Variants in GSDME observed in about 807,000 individuals in gnomAD.
The protein encoded by GSDME is gasdermin E, also known as gasdermin-E.
A neutral mutation model predicts 47.5 loss-of-function variants in GSDME; 44 were observed. That is an observed-to-expected ratio of 0.93 (90% CI 0.73 to 1.19). The LOEUF (loss-of-function observed/expected upper bound fraction) is 1.19. Among genes scored for constraint, GSDME ranks in the 50% most tolerant of loss-of-function variants. The pLI is 0.00. For missense variants in GSDME, 663 were observed against 604.2 expected (o/e 1.10, Z -1.02); for synonymous variants, 258 against 252.8 (o/e 1.02, Z -0.20).
At chr7:24,775,534 T>A in the GSDME span, among the ~76,000 whole-genome samples, 1 of 152,096 alleles carries the variant, frequency 6.6e-6, no homozygotes, top group East Asian at 1.9e-4. Flanking sequence ...GAGGTTGCTG[T>A]CCTCCTTCCC....
chr7:24,712,719 A>G lies in GSDME; in HGVS notation c.698-2331T>C, dbSNP rs1159234625. ...TCATGGCTGAGGCCCCTATCACAAC[A>G]GACAGATTAACAAGAGAGGCCAGGC... On this transcript the variant is annotated intron_variant, in intron 5 of 9. Coordinates refer to ENST00000645220, the MANE Select transcript of GSDME (RefSeq NM_001127453.2). The surrounding 1 kb of genome is among the most constrained non-coding windows in gnomAD (Gnocchi z 4.4). 1.3e-5 allele frequency among the ~76,000 whole-genome samples: 2 copies of G among 152,170 alleles called. No homozygotes were observed. The highest frequency in any genetic ancestry group is 2.9e-5 in the Non-Finnish European group (2 of 68,032).
the GSDME span, among the ~76,000 whole-genome samples, chr7:24,766,942 T>A: frequency 6.6e-6 from 1 of 152,228 alleles, no homozygotes; most frequent in African/African-American, 2.4e-5. The surrounding 1 kb of genome is among the most constrained non-coding windows in gnomAD (Gnocchi z 4.2). Context: ...CGTTCCTATT[T>A]CTCCACATCC....
chr7:24,787,230 G>A, the GSDME span, among the ~76,000 whole-genome samples: 6 of 152,192 alleles, frequency 3.9e-5, no homozygotes, highest in African/African-American at 9.7e-5. The surrounding 1 kb of genome is among the most constrained non-coding windows in gnomAD (Gnocchi z 5.0). Flanking sequence ...TGGCTGCCAC[G>A]TCCTCTCATG....
upstream of GSDME, chr7:24,757,559 G>C (rs1791082562): frequency 6.6e-6 from 1 of 152,074 alleles, no homozygotes; most frequent in African/African-American, 2.4e-5. This position sits in a 1 kb window ranked among gnomAD's most constrained non-coding sequence, Gnocchi z 5.9. Context: ...CGCGGGACTG[G>C]CCGCCGGAGG....
chr7:24,781,887 G>T, the GSDME span, among the ~76,000 whole-genome samples: 828 of 151,910 alleles, frequency 5.5e-3, 14 homozygotes, highest in African/African-American at 0.019. Flanking sequence ...GGAACTACAG[G>T]TGTGTGCCAC....
chr7:24,744,208 A>G lies in GSDME; in HGVS notation c.404+354T>C. The G allele has an allele frequency of 4.3e-6, 1 of 232,844 alleles. No homozygotes were observed. The highest frequency in any genetic ancestry group is 1.1e-4 in the East Asian group (1 of 9,418). 14.4% of individuals were successfully genotyped at this position (232,844 alleles called of 1,614,324 possible). A position where few individuals can be genotyped will look rare whatever the true frequency, so the allele number is the denominator to read the frequency against. On this transcript the variant is annotated intron_variant, in intron 3 of 9. Coordinates refer to ENST00000645220, the MANE Select transcript of GSDME (RefSeq NM_001127453.2). This position sits in a 1 kb window ranked among gnomAD's most constrained non-coding sequence, Gnocchi z 4.5. ...CTTCTTTTTTTCATCAGAAAATTAT[A>G]GAGCCAGAGGGGGGTCATGACTTCC...
upstream of GSDME, among the ~76,000 whole-genome samples, chr7:24,761,317 A>G (rs148304366): frequency 2.0e-5 from 3 of 152,236 alleles, no homozygotes; most frequent in Non-Finnish European, 4.4e-5. This position sits in a 1 kb window ranked among gnomAD's most constrained non-coding sequence, Gnocchi z 4.4. Context: ...AAACAACAGG[A>G]CTTTATTTCT....
rs202227661 is a variant in GSDME, at chr7:24,744,641, C to T, written c.325G>A (p.Val109Ile). The T allele has an allele frequency of 8.9e-5, 143 of 1,614,190 alleles. No homozygotes were observed. Among genetic ancestry groups the T allele is most frequent in the Admixed American group, 2.8e-4 (17 of 60,032 alleles). Residue 109 changes from valine (V) to isoleucine (I), a missense_variant, in exon 3 of 10, where the codon GTA (valine) becomes ATA (isoleucine). Coordinates refer to ENST00000645220, the MANE Select transcript of GSDME (RefSeq NM_001127453.2). This position sits in a 1 kb window ranked among gnomAD's most constrained non-coding sequence, Gnocchi z 4.5. ...GTTCCAAATGAAGACTGGCTCTCTA[C>T]GCGGCTGCTGCCCCCCAGGTTCAGC... The part of the protein sequence containing the change: ...VKLNLGGSSR[V>I]ESQSSFGTLR...
At chr7:24,755,303 A>AC (rs1562719100) in intron 1 of GSDME, among the ~76,000 whole-genome samples, 1 of 151,336 alleles carries the variant, frequency 6.6e-6, no homozygotes, top group African/African-American at 2.4e-5. Flanking sequence ...ATCAAATACC[A>AC]CCCCCCTTCC....
Position 24,720,697 on chromosome 7 carries a change from C to T in GSDME, c.405-1479G>A, listed in dbSNP as rs537696300. On this transcript the variant is annotated intron_variant, in intron 3 of 9. Coordinates refer to ENST00000645220, the MANE Select transcript of GSDME (RefSeq NM_001127453.2). ...TTGGGAGGCCGAGGCAGGTGGATCACCTGAGGTCGGGAGTTCGAGACCAGC... is the reference window on the plus strand; with the variant it reads ...TTGGGAGGCCGAGGCAGGTGGATCATCTGAGGTCGGGAGTTCGAGACCAGC... Among the ~76,000 whole-genome samples, 767 of 152,326 alleles carry T rather than the reference C, an allele frequency of 5.0e-3. 5 individuals carry two copies. The highest frequency in any genetic ancestry group is 8.9e-3 in the Non-Finnish European group (605 of 68,028).
In GSDME at chr7:24,717,111, G is replaced by C. The variant is rs183609057; in HGVS notation, c.697+143C>G. ...CCCATGTGTCCAGGGACCATGTCTT[G>C]GGACAATCTACGCTCTTCAGACCTC... On this transcript the variant is annotated intron_variant, in intron 5 of 9. Coordinates refer to ENST00000645220, the MANE Select transcript of GSDME (RefSeq NM_001127453.2). 61 of 930,450 alleles carry C rather than the reference G, an allele frequency of 6.6e-5. 1 individual carries two copies. Among genetic ancestry groups the C allele is most frequent in the East Asian group, 6.4e-4 (24 of 37,510 alleles). The allele number at this position is 930,450 out of a possible 1,614,324, so 57.6% of individuals were successfully genotyped here. A position where few individuals can be genotyped will look rare whatever the true frequency, so the allele number is the denominator to read the frequency against.
rs1562713566 is a variant in GSDME, at chr7:24,745,964, T to C, written c.212-1210A>G. Reference sequence around the variant, plus strand: ...TCACACTTGGCCTTTTCCATTGTCCTGACCCAAGGCTCTCCTGGGCTCCCG... The same window carrying C: ...TCACACTTGGCCTTTTCCATTGTCCCGACCCAAGGCTCTCCTGGGCTCCCG... On this transcript the variant is annotated intron_variant, in intron 2 of 9. Coordinates refer to ENST00000645220, the MANE Select transcript of GSDME (RefSeq NM_001127453.2). The surrounding 1 kb of genome is among the most constrained non-coding windows in gnomAD (Gnocchi z 4.4). Among the ~76,000 whole-genome samples, 1 of 152,220 alleles carries C rather than the reference T, an allele frequency of 6.6e-6. No individual in the cohort carries two copies. The highest frequency in any genetic ancestry group is 1.5e-5 in the Non-Finnish European group (1 of 68,042).
Position 24,708,367 on chromosome 7 carries a change from C to T in GSDME, c.863-113G>A, listed in dbSNP as rs967967059. On this transcript the variant is annotated intron_variant, in intron 6 of 9. Transcript: ENST00000645220. ...GTCATCAGTTCTTTCATGGATATTC[C>T]CAGCTGCATAGTCAGTCATGGAACT... 13 of 1,276,296 alleles carry T rather than the reference C, an allele frequency of 1.0e-5. No homozygotes were observed. In the African/African-American group the frequency reaches 1.9e-4, roughly 19 times the overall value. The allele number at this position is 1,276,296 out of a possible 1,614,324, so 79.1% of individuals were successfully genotyped here.
the GSDME span, among the ~76,000 whole-genome samples, chr7:24,772,310 T>C: frequency 6.6e-6 from 1 of 152,226 alleles, no homozygotes; most frequent in Non-Finnish European, 1.5e-5. The surrounding 1 kb of genome is among the most constrained non-coding windows in gnomAD (Gnocchi z 4.5). Flanking sequence ...TCTCTTTCTC[T>C]ACCCAGCATT....
At position 24,745,182 on chromosome 7, in the gene GSDME, T is replaced by C. The variant is rs886690634; in HGVS notation, c.212-428A>G. Among the ~76,000 whole-genome samples, 3 of 152,086 alleles carry C rather than the reference T, an allele frequency of 2.0e-5. No individual in the cohort carries two copies. Among genetic ancestry groups the C allele is most frequent in the Non-Finnish European group, 4.4e-5 (3 of 68,014 alleles). The stretch of plus-strand genomic sequence containing the variant: ...CCTGTTTAACCACTATCCAGGTGGA[T>C]CAATAGACCATTTTAAATGTGTACT... On this transcript the variant is annotated intron_variant, in intron 2 of 9. Coordinates refer to ENST00000645220, the MANE Select transcript of GSDME (RefSeq NM_001127453.2). The surrounding 1 kb of genome is among the most constrained non-coding windows in gnomAD (Gnocchi z 4.4).
In GSDME at chr7:24,706,269, G is replaced by A; in HGVS notation, c.1098C>T (p.Ser366=). The A allele has an allele frequency of 6.2e-7, 1 of 1,614,214 alleles. No homozygotes were observed. The highest frequency in any genetic ancestry group is 8.5e-7 in the Non-Finnish European group (1 of 1,180,042). The change falls in exon 8 of 10, where the codon AGC becomes AGT. Residue 366 remains serine (S), a synonymous_variant. Coordinates refer to ENST00000645220, the MANE Select transcript of GSDME (RefSeq NM_001127453.2). ...LVAFLQLVGC[S]LQGGCPGPED... The stretch of plus-strand genomic sequence containing the variant: ...CGGGGCCCGGACACCCACCCTGTAA[G>A]CTGCACCCCACCAGCTGCAGGAAGG...
chr7:24,700,956 C>T (rs557284314), intron 9 of GSDME, among the ~76,000 whole-genome samples: 78 of 152,290 alleles, frequency 5.1e-4, no homozygotes, highest in Middle Eastern at 3.4e-3. Context: ...AAGGGGGAAA[C>T]GGTGACCCAG....
At chr7:24,791,102 A>G in the GSDME span, among the ~76,000 whole-genome samples, 3 of 152,052 alleles carry the variant, frequency 2.0e-5, no homozygotes. This position sits in a 1 kb window ranked among gnomAD's most constrained non-coding sequence, Gnocchi z 4.8. Context: ...CCCAGGTCTC[A>G]GGTGCTGCGG....
At chr7:24,700,723 T>G (rs1788830359) in intron 9 of GSDME, among the ~76,000 whole-genome samples, 1 of 152,228 alleles carries the variant, frequency 6.6e-6, no homozygotes, top group Non-Finnish European at 1.5e-5. Context: ...AGGCTCAGAC[T>G]GCAAACTATT....
Sources: allele counts gnomAD v4.1 joint callset (sites outside exome capture counted in the v4.1 genomes callset), GRCh38; gene constraint gnomAD v4.1.1; non-coding constraint Gnocchi (gnomAD v3.1); transcripts MANE v1.5; gene names NCBI Gene and HGNC (gene_info 2026-07-23, HGNC 2026-07-21).